The following PRKN variants were observed in gnomAD, a reference collection of about 807,000 sequenced individuals.
The protein encoded by PRKN is parkin RBR E3 ubiquitin protein ligase.
A neutral mutation model predicts 59.5 loss-of-function variants in PRKN; 56 were observed. The ratio of observed to expected loss-of-function variants is 0.94; its 90% CI spans 0.76 to 1.18. The LOEUF is 1.18. Ranked by LOEUF, PRKN falls within the 50% of genes most tolerant of loss-of-function variation. The pLI is 0.00. For synonymous variants in PRKN, 250 were observed against 222.1 expected (o/e 1.13, Z -1.12); for missense variants, 657 against 596.4 (o/e 1.10, Z -1.06).
Position 161,458,369 on chromosome 6 carries a change from C to G in PRKN, c.1084-71492G>C, listed in dbSNP as rs1216245970. ...CAGCATCTCGGGTGCCTGGTGTGAT[C>G]GACCATAAGTGCAGCTGATGCAAAC... On this transcript the variant is annotated intron_variant, in intron 9 of 11. Coordinates refer to ENST00000366898, the MANE Select transcript of PRKN (RefSeq NM_004562.3). This position sits in a 1 kb window ranked among gnomAD's most constrained non-coding sequence, Gnocchi z 6.1. Among the ~76,000 whole-genome samples, 2 of 152,044 alleles carry G rather than the reference C, an allele frequency of 1.3e-5. No homozygotes were observed.
At chr6:161,793,623 T>C (rs1411918696) in intron 6 of PRKN, among the ~76,000 whole-genome samples, 1 of 151,200 alleles carries the variant, frequency 6.6e-6, no homozygotes, top group Non-Finnish European at 1.5e-5. Flanking sequence ...TGAAGACAAA[T>C]AATTAATTAT....
intron 1 of PRKN, among the ~76,000 whole-genome samples, chr6:162,578,056 C>G (rs796751221): frequency 1.3e-5 from 2 of 152,134 alleles, no homozygotes; most frequent in African/African-American, 4.8e-5. Flanking sequence ...CCACTGATGA[C>G]GGGAACATAA....
intron 9 of PRKN, among the ~76,000 whole-genome samples, chr6:161,501,524 T>G (rs1777963819): frequency 6.6e-6 from 1 of 152,186 alleles, no homozygotes; most frequent in Non-Finnish European, 1.5e-5. Context: ...TAATAGTCCC[T>G]TTATCCGATA....
intron 1 of PRKN, among the ~76,000 whole-genome samples, chr6:162,480,213 G>A (rs888622689): frequency 8.5e-5 from 13 of 152,104 alleles, no homozygotes; most frequent in African/African-American, 2.9e-4. Flanking sequence ...TGACCCCAGG[G>A]TCACCACGCA....
At chr6:162,274,175 T>TAA (rs1780508421) in intron 2 of PRKN, among the ~76,000 whole-genome samples, 5 of 151,232 alleles carry the variant, frequency 3.3e-5, no homozygotes, top group African/African-American at 1.2e-4. Flanking sequence ...ATTTATTAAT[T>TAA]TATTAATGTA....
chr6:162,342,705 CTT>C (rs1367874242), intron 2 of PRKN, among the ~76,000 whole-genome samples: 1 of 152,094 alleles, frequency 6.6e-6, no homozygotes, highest in Admixed American at 6.6e-5. Flanking sequence ...TCTCTAAGCT[CTT>C]GTGTTGTCAT....
intron 2 of PRKN, among the ~76,000 whole-genome samples, chr6:162,309,070 C>T (rs1023619988): frequency 1.3e-5 from 2 of 152,088 alleles, no homozygotes; most frequent in Non-Finnish European, 2.9e-5. Flanking sequence ...AGAAGTCAGC[C>T]GCTGTCCTCA....
chr6:162,274,411 C>T (rs1780525536), intron 2 of PRKN, among the ~76,000 whole-genome samples: 3 of 152,054 alleles, frequency 2.0e-5, no homozygotes, highest in Admixed American at 2.0e-4. Context: ...TGGTCTCAAA[C>T]TTCTAGGCTC....
chr6:162,247,634 G>T (rs2128094252), intron 3 of PRKN, among the ~76,000 whole-genome samples: 1 of 152,156 alleles, frequency 6.6e-6, no homozygotes, highest in East Asian at 1.9e-4. Context: ...ATTCATCTTA[G>T]AATTCTTACC....
chr6:161,995,790 T>C (rs1781817984), intron 5 of PRKN, among the ~76,000 whole-genome samples: 1 of 152,160 alleles, frequency 6.6e-6, no homozygotes, highest in Non-Finnish European at 1.5e-5. Flanking sequence ...AGGCAACTCT[T>C]ATACACTGTT....
chr6:161,556,508 A>T (rs1472680698), intron 8 of PRKN, among the ~76,000 whole-genome samples: 1 of 152,336 alleles, frequency 6.6e-6, no homozygotes, highest in East Asian at 1.9e-4. Context: ...TATAATCCAC[A>T]GTTTTCATAG....
intron 4 of PRKN, among the ~76,000 whole-genome samples, chr6:162,093,202 C>T (rs1029971068): frequency 6.6e-6 from 1 of 152,152 alleles, no homozygotes; most frequent in African/African-American, 2.4e-5. Flanking sequence ...TTCCAGATAG[C>T]CTAAATAAAT....
chr6:162,198,551 T>C (rs992562096), intron 4 of PRKN, among the ~76,000 whole-genome samples: 1 of 152,164 alleles, frequency 6.6e-6, no homozygotes, highest in Non-Finnish European at 1.5e-5. Flanking sequence ...TTCTGGCTAC[T>C]GTTCTAAGTA....
chr6:162,423,129 TAAAG>T (rs1197632206), intron 2 of PRKN, among the ~76,000 whole-genome samples: 2 of 152,114 alleles, frequency 1.3e-5, no homozygotes, highest in African/African-American at 4.8e-5. Context: ...TGTAACTGAA[TAAAG>T]ACATTACCCT....
intron 1 of PRKN, among the ~76,000 whole-genome samples, chr6:162,462,314 T>C (rs148546114): frequency 6.6e-6 from 1 of 152,374 alleles, no homozygotes; most frequent in Non-Finnish European, 1.5e-5. Flanking sequence ...TTCATGATTA[T>C]GAACTGCACA....
chr6:162,460,503 G>T (rs555174576), intron 1 of PRKN, among the ~76,000 whole-genome samples: 1 of 152,212 alleles, frequency 6.6e-6, no homozygotes, highest in African/African-American at 2.4e-5. Flanking sequence ...AATTTAAATG[G>T]GTGAATTTTA....
chr6:161,669,987 C>T (rs1222648953), intron 7 of PRKN, among the ~76,000 whole-genome samples: 1 of 152,214 alleles, frequency 6.6e-6, no homozygotes, highest in Non-Finnish European at 1.5e-5. Context: ...TTTCAAGAGT[C>T]TCTGGATCTC....
At chr6:161,958,159 C>A (rs1780251391) in intron 6 of PRKN, among the ~76,000 whole-genome samples, 1 of 152,114 alleles carries the variant, frequency 6.6e-6, no homozygotes, top group South Asian at 2.1e-4. Context: ...GGTTAAAATG[C>A]ACAAAGAGAT....
At chr6:162,262,895 T>G in intron 2 of PRKN, 130 bp from the exon 3 acceptor site, 1 of 1,153,128 alleles carries the variant, frequency 8.7e-7, no homozygotes, top group South Asian at 1.4e-5. Flanking sequence ...CCAACTTAGG[T>G]GCTCCTTTGC....
Sources: allele counts gnomAD v4.1 joint callset (sites outside exome capture counted in the v4.1 genomes callset), GRCh38; gene constraint gnomAD v4.1.1; non-coding constraint Gnocchi (gnomAD v3.1); transcripts MANE v1.5; gene names NCBI Gene and HGNC (gene_info 2026-07-23, HGNC 2026-07-21).